DST: variants seen among roughly 807,000 people sequenced by gnomAD.
DST encodes the protein dystonin.
A neutral mutation model predicts 875.2 loss-of-function variants in DST; 253 were observed. That is an observed-to-expected ratio of 0.29 (90% confidence interval 0.26 to 0.32). The LOEUF (loss-of-function observed/expected upper bound fraction) is 0.32, where lower values mean the gene tolerates loss of function less well. DST is among the 10% of genes least tolerant of loss of function. The pLI, the probability that DST is intolerant of heterozygous loss-of-function variation, is 1.00. For synonymous variants in DST, 3,124 were observed against 3,197.1 expected, an observed-to-expected ratio of 0.98 and a Z score of 0.77; for missense variants, 8,287 against 9,111.6, an observed-to-expected ratio of 0.91 and a Z score of 3.68.
At chr6:56,706,936 C>T (rs1457571977) in intron 5 of DST, among the ~76,000 whole-genome samples, 2 of 152,148 alleles carry the variant, frequency 1.3e-5, no homozygotes, top group African/African-American at 2.4e-5. Flanking sequence ...ACCCAAGAGG[C>T]GGAGGTTGCA....
chr6:56,883,112 C>G (rs1401580668), intron 3 of DST, among the ~76,000 whole-genome samples: 1 of 152,216 alleles, frequency 6.6e-6, no homozygotes, highest in South Asian at 2.1e-4. Context: ...AGGTGATCCA[C>G]CCACCTTGGC....
At chr6:56,679,985 C>T (rs535919807) in intron 9 of DST, among the ~76,000 whole-genome samples, 3 of 152,080 alleles carry the variant, frequency 2.0e-5, no homozygotes, top group Non-Finnish European at 2.9e-5. Context: ...AACTTCCTAG[C>T]GATCTCATTC....
rs201405720 is a variant in DST, at chr6:56,934,689, C to CATTG, written c.216+19092_216+19095dup. ...GTCTCCATCACCAAAATGGAGAGAT[C>CATTG]ATTGGTTTTGTGAACTATCTCAGAT... On this transcript the variant is annotated intron_variant, in intron 2 of 103. Transcript: ENST00000680361. Among the ~76,000 whole-genome samples the CATTG allele has an allele frequency of 2.5e-3, 376 of 148,924 alleles. 2 individuals carry two copies. The East Asian group carries it at 0.039, about 15-fold the overall frequency.
chr6:56,551,171 T>A (rs1047115149), intron 61 of DST, among the ~76,000 whole-genome samples: 1 of 152,198 alleles, frequency 6.6e-6, no homozygotes, highest in Non-Finnish European at 1.5e-5. Flanking sequence ...AATAATGTTA[T>A]TAAAGACAAG....
rs547770846 is a variant in DST, at chr6:56,910,937, A to G, written c.217-10316T>C. Among the ~76,000 whole-genome samples, 3 of 152,346 alleles carry G rather than the reference A, an allele frequency of 2.0e-5. No individual in the cohort carries two copies. The South Asian group carries it at 6.2e-4, about 32-fold the overall frequency. On this transcript the variant is annotated intron_variant, in intron 2 of 103. Transcript: ENST00000680361. ...CTTAATGTTTTCTAAATTGCAAATG[A>G]ACTACAACTTAGGTGCAGTTTTGTA...
chr6:56,681,384 TA>T (rs1268803863), intron 9 of DST, among the ~76,000 whole-genome samples: 1 of 152,154 alleles, frequency 6.6e-6, no homozygotes, highest in East Asian at 1.9e-4. Flanking sequence ...ACTTCCTCAA[TA>T]AGAATGCATT....
intron 2 of DST, among the ~76,000 whole-genome samples, chr6:56,926,484 G>A (rs916909411): frequency 6.6e-5 from 10 of 152,190 alleles, no homozygotes; most frequent in African/African-American, 1.7e-4. Context: ...TGAGGGGAAG[G>A]AGGAACCACT....
chr6:56,743,120 T>C (rs982917536), intron 4 of DST, among the ~76,000 whole-genome samples: 5 of 152,120 alleles, frequency 3.3e-5, no homozygotes, highest in African/African-American at 7.2e-5. Flanking sequence ...CACTTCTAAG[T>C]ATGAATAAAT....
In DST at chr6:56,598,027, G is replaced by A. The variant is rs1360203786; in HGVS notation, c.11929-21C>T. ...GCTACCTGGGAAGGGAAAGTTCACA[G>A]GAGGAATTCAGAACGTGGGCCAAGG... On this transcript the variant is annotated intron_variant, in intron 46 of 103. Transcript: ENST00000680361. The A allele has an allele frequency of 5.8e-6, 9 of 1,559,474 alleles. No individual in the cohort carries two copies. The Admixed American group carries it at 7.4e-5, about 13-fold the overall frequency.
intron 2 of DST, among the ~76,000 whole-genome samples, chr6:56,901,807 A>C (rs1794263427): frequency 6.6e-6 from 1 of 152,206 alleles, no homozygotes; most frequent in South Asian, 2.1e-4. Flanking sequence ...CAGCTAAGTC[A>C]TATTATGCAA....
chr6:56,723,146 C>A (rs1255312488), intron 5 of DST, among the ~76,000 whole-genome samples: 2 of 152,036 alleles, frequency 1.3e-5, no homozygotes, highest in African/African-American at 4.8e-5. Context: ...GGGGGGCTGG[C>A]CCAAGATAAG....
At chr6:56,487,393 A>G (rs549528282) in intron 86 of DST, 120 bp from the exon 87 acceptor site, 1 of 903,050 alleles carries the variant, frequency 1.1e-6, no homozygotes, top group Non-Finnish European at 1.6e-6. Flanking sequence ...CTGACTTATA[A>G]TGACTTGACT....
intron 2 of DST, among the ~76,000 whole-genome samples, chr6:56,918,673 T>C (rs1318273106): frequency 6.6e-6 from 1 of 152,212 alleles, no homozygotes; most frequent in Non-Finnish European, 1.5e-5. Flanking sequence ...ACTATGAAAG[T>C]GCCTTTTTAA....
At chr6:56,523,375 C>T (rs1414680223) in intron 69 of DST, among the ~76,000 whole-genome samples, 1 of 152,106 alleles carries the variant, frequency 6.6e-6, no homozygotes, top group African/African-American at 2.4e-5. Flanking sequence ...CTAACCCTGT[C>T]AAATCAAAAC....
At chr6:56,937,022 A>G (rs563588998) in intron 2 of DST, among the ~76,000 whole-genome samples, 89 of 152,308 alleles carry the variant, frequency 5.8e-4, no homozygotes, top group African/African-American at 2.0e-3. Context: ...TACAAACTCA[A>G]AAAACACAGA....
chr6:56,782,255 A>G (rs1320985600), intron 4 of DST, among the ~76,000 whole-genome samples: 2 of 152,068 alleles, frequency 1.3e-5, no homozygotes, highest in Non-Finnish European at 2.9e-5. Context: ...GTGAGGGAGG[A>G]TTCCCTCTTT....
intron 9 of DST, among the ~76,000 whole-genome samples, chr6:56,690,428 G>A (rs774843343): frequency 2.0e-5 from 3 of 152,086 alleles, no homozygotes; most frequent in African/African-American, 4.8e-5. Context: ...GGCCTCCACA[G>A]AGCCCCCTGA....
At chr6:56,667,665 C>T (rs12524267) in intron 10 of DST, among the ~76,000 whole-genome samples, 1,920 of 152,164 alleles carry the variant, frequency 0.013, 131 homozygotes, top group Admixed American at 0.11. Flanking sequence ...GGTATTTCTG[C>T]CAAAATAAAA....
chr6:56,570,797 C>T (rs1022745039), intron 53 of DST, among the ~76,000 whole-genome samples: 3 of 152,208 alleles, frequency 2.0e-5, no homozygotes, highest in African/African-American at 7.2e-5. Flanking sequence ...TACATAAACT[C>T]TAAGAATACA....
Sources: gnomAD v4.1 joint callset for allele counts (sites outside exome capture counted in the v4.1 genomes callset) on GRCh38, gnomAD v4.1.1 for gene constraint, MANE v1.5 for transcripts, NCBI Gene and HGNC (gene_info 2026-07-23, HGNC 2026-07-21) for gene names.